The following SSBP2 variants were observed in gnomAD, a reference collection of about 807,000 sequenced individuals.
SSBP2 encodes single stranded DNA binding protein 2, also known as single-stranded DNA-binding protein 2.
A neutral mutation model predicts 61.8 loss-of-function variants in SSBP2; 17 were observed. The ratio of observed to expected loss-of-function variants is 0.28; its 90% CI spans 0.19 to 0.41. SSBP2 has a LOEUF of 0.41. Among genes scored for constraint, SSBP2 ranks in the 10% least tolerant of loss-of-function variants. The pLI, the probability that SSBP2 is intolerant of heterozygous loss-of-function variation, is 1.00. For missense variants in SSBP2, 310 were observed against 458.7 expected (o/e 0.68, Z 2.96); for synonymous variants, 139 against 141.3 (o/e 0.98, Z 0.12).
At chr5:81,426,985 T>C (rs1339891404) in intron 16 of SSBP2, among the ~76,000 whole-genome samples, 3 of 152,242 alleles carry the variant, frequency 2.0e-5, no homozygotes, top group Non-Finnish European at 4.4e-5. Context: ...GTTTTTCCTA[T>C]TGGGTTGCAC....
At chr5:81,509,364 T>C (rs1768421603) in intron 5 of SSBP2, among the ~76,000 whole-genome samples, 1 of 152,188 alleles carries the variant, frequency 6.6e-6, no homozygotes, top group Admixed American at 6.5e-5. Flanking sequence ...AAGGTCAACA[T>C]CTCTTTGGAA....
chr5:81,527,526 G>T (rs771151213), intron 4 of SSBP2, among the ~76,000 whole-genome samples: 3 of 151,964 alleles, frequency 2.0e-5, no homozygotes, highest in Non-Finnish European at 4.4e-5. Flanking sequence ...GTGAAAGACA[G>T]GCATGGGAGA....
chr5:81,742,118 T>C (rs1278519916), intron 1 of SSBP2, among the ~76,000 whole-genome samples: 2 of 152,184 alleles, frequency 1.3e-5, no homozygotes, highest in Non-Finnish European at 2.9e-5. Context: ...ACCCAGCTCA[T>C]ACGATTATAA....
chr5:81,593,982 C>T (rs1038573496), intron 4 of SSBP2, among the ~76,000 whole-genome samples: 3 of 152,138 alleles, frequency 2.0e-5, no homozygotes. Context: ...ATCAAATTCA[C>T]ACATAACAAT....
chr5:81,632,674 TCTC>T (rs138947601), intron 3 of SSBP2, among the ~76,000 whole-genome samples: 3,339 of 152,152 alleles, frequency 0.022, 51 homozygotes, highest in Middle Eastern at 0.054. Context: ...ACCATTAAAA[TCTC>T]CTCTCTCCCT....
intron 4 of SSBP2, among the ~76,000 whole-genome samples, chr5:81,523,665 T>C (rs1019092836): frequency 1.3e-5 from 2 of 152,066 alleles, no homozygotes; most frequent in Admixed American, 6.6e-5. Context: ...GAAGCATTTA[T>C]TGTCTTCGTA....
At chr5:81,716,239 T>C (rs1755165058) in intron 1 of SSBP2, among the ~76,000 whole-genome samples, 3 of 152,172 alleles carry the variant, frequency 2.0e-5, no homozygotes, top group African/African-American at 7.2e-5. Context: ...TTGAAGTTGT[T>C]TGTCTACAAG....
At chr5:81,668,764 A>T (rs1198539716) in intron 1 of SSBP2, among the ~76,000 whole-genome samples, 1 of 152,142 alleles carries the variant, frequency 6.6e-6, no homozygotes, top group Non-Finnish European at 1.5e-5. Flanking sequence ...AGTGTCTTTA[A>T]TAAAGGTCTT....
At chr5:81,579,236 G>GT (rs751259961) in intron 4 of SSBP2, among the ~76,000 whole-genome samples, 42 of 148,762 alleles carry the variant, frequency 2.8e-4, no homozygotes, top group Middle Eastern at 3.4e-3. Flanking sequence ...GTTTCTTATT[G>GT]TTTTTTTTCA....
chr5:81,597,443 A>C (rs1350547338), intron 4 of SSBP2, among the ~76,000 whole-genome samples: 1 of 152,232 alleles, frequency 6.6e-6, no homozygotes, highest in Non-Finnish European at 1.5e-5. Flanking sequence ...TGTGGAAGTC[A>C]GTGTGACGAT....
chr5:81,533,150 C>T (rs1340880920), intron 4 of SSBP2, among the ~76,000 whole-genome samples: 1 of 151,634 alleles, frequency 6.6e-6, no homozygotes, highest in East Asian at 1.9e-4. Flanking sequence ...AAACAAGTCT[C>T]AATAAAATTT....
chr5:81,650,411 C>A, intron 1 of SSBP2, 72 bp from the exon 2 acceptor site: 1 of 1,076,678 alleles, frequency 9.3e-7, no homozygotes, highest in Admixed American at 3.0e-5. Context: ...GCACATCTTT[C>A]CATTGCTGAA....
At chr5:81,702,697 T>C (rs1322945363) in intron 1 of SSBP2, among the ~76,000 whole-genome samples, 1 of 151,986 alleles carries the variant, frequency 6.6e-6, no homozygotes, top group Admixed American at 6.5e-5. Context: ...AGAATCCAAA[T>C]GCCAGTTTAA....
intron 1 of SSBP2, among the ~76,000 whole-genome samples, chr5:81,708,278 A>T (rs756524616): frequency 6.6e-6 from 1 of 152,190 alleles, no homozygotes; most frequent in Non-Finnish European, 1.5e-5. Flanking sequence ...CACATAAGCT[A>T]TGAAAGAGTT....
At chr5:81,696,286 G>A (rs1484835822) in intron 1 of SSBP2, among the ~76,000 whole-genome samples, 1 of 152,076 alleles carries the variant, frequency 6.6e-6, no homozygotes, top group East Asian at 1.9e-4. Flanking sequence ...ATATATACCT[G>A]TCTCCAAGTA....
At chr5:81,681,506 C>G (rs1040758600) in intron 1 of SSBP2, among the ~76,000 whole-genome samples, 1 of 139,554 alleles carries the variant, frequency 7.2e-6, no homozygotes, top group African/African-American at 2.9e-5. Context: ...GGCAACAGAG[C>G]CAGGCTCCAC....
chr5:81,674,076 A>G (rs761288970), intron 1 of SSBP2, among the ~76,000 whole-genome samples: 1 of 152,230 alleles, frequency 6.6e-6, no homozygotes, highest in Non-Finnish European at 1.5e-5. Flanking sequence ...GAGGGAATAC[A>G]TGATTTCAAG....
intron 5 of SSBP2, among the ~76,000 whole-genome samples, chr5:81,502,515 ACT>A (rs1236207958): frequency 2.6e-5 from 4 of 151,992 alleles, no homozygotes; most frequent in African/African-American, 7.2e-5. Flanking sequence ...TATGCTAGTG[ACT>A]CTCAGAGTTC....
intron 1 of SSBP2, among the ~76,000 whole-genome samples, chr5:81,668,928 C>T (rs1355160582): frequency 1.3e-5 from 2 of 152,048 alleles, no homozygotes; most frequent in Non-Finnish European, 2.9e-5. Context: ...AACTTAAAAA[C>T]TGTGTCTCTA....
Sources: gnomAD v4.1 joint callset for allele counts (sites outside exome capture counted in the v4.1 genomes callset) on GRCh38, gnomAD v4.1.1 for gene constraint, MANE v1.5 for transcripts, NCBI Gene and HGNC (gene_info 2026-07-23, HGNC 2026-07-21) for gene names.